Variants in GDPD4 observed in about 807,000 individuals in gnomAD.
GDPD4 encodes the protein glycerophosphodiester phosphodiesterase 6.
Under a neutral mutation model 67.8 loss-of-function variants are expected in GDPD4, and 60 were observed. That is an observed-to-expected ratio of 0.88 (90% CI 0.72 to 1.10). GDPD4 has a LOEUF of 1.10. GDPD4 is among the 50% of genes least tolerant of loss of function. The pLI is 0.00. For missense variants in GDPD4, 623 were observed against 613.9 expected (o/e 1.01, Z -0.16); for synonymous variants, 212 against 210.9 (o/e 1.00, Z -0.04).
intron 1 of GDPD4, among the ~76,000 whole-genome samples, chr11:77,298,251 C>T (rs1356991669): frequency 1.3e-5 from 2 of 152,234 alleles, no homozygotes; most frequent in Non-Finnish European, 2.9e-5. Context: ...CTGACTCACG[C>T]TTGTAATCCC....
chr11:77,265,193 A>G (rs1959172685), intron 10 of GDPD4, among the ~76,000 whole-genome samples: 1 of 152,072 alleles, frequency 6.6e-6, no homozygotes, highest in Non-Finnish European at 1.5e-5. Context: ...AGGTAATTAA[A>G]ATTATTTTTC....
Position 77,216,784 on chromosome 11 carries a change from T to C in GDPD4, c.*493A>G. 5 of 605,874 alleles carry C rather than the reference T, an allele frequency of 8.3e-6. No individual in the cohort carries two copies. Among genetic ancestry groups the C allele is most frequent in the Non-Finnish European group, 1.5e-5 (5 of 341,836 alleles). The allele number at this position is 605,874 out of a possible 1,614,324, so 37.5% of individuals were successfully genotyped here. A position where few individuals can be genotyped will look rare whatever the true frequency, so the allele number is the denominator to read the frequency against. Reference sequence around the variant, plus strand: ...TGCCTTTATCAACCACTCCCCACCATCACCACCCTTAGGCAGAGAGAGGAA... The same window carrying C: ...TGCCTTTATCAACCACTCCCCACCACCACCACCCTTAGGCAGAGAGAGGAA... On this transcript the variant is annotated 3_prime_UTR_variant, in exon 17 of 17. Coordinates refer to ENST00000315938, the MANE Select transcript of GDPD4 (RefSeq NM_182833.3).
At chr11:77,294,512 A>G (rs1387054205) in intron 1 of GDPD4, among the ~76,000 whole-genome samples, 1 of 152,112 alleles carries the variant, frequency 6.6e-6, no homozygotes, top group Non-Finnish European at 1.5e-5. Flanking sequence ...TGAGTCTTCT[A>G]ATCTAAGTAC....
At chr11:77,253,409 A>G (rs1958944311) in intron 11 of GDPD4, among the ~76,000 whole-genome samples, 1 of 152,180 alleles carries the variant, frequency 6.6e-6, no homozygotes, top group Non-Finnish European at 1.5e-5. Context: ...CAAGTACCCC[A>G]GTATGGCTGT....
At chr11:77,291,080 G>T (rs971377398) in intron 1 of GDPD4, among the ~76,000 whole-genome samples, 1 of 152,190 alleles carries the variant, frequency 6.6e-6, no homozygotes, top group Non-Finnish European at 1.5e-5. Flanking sequence ...TATGTTTATT[G>T]CAGGACTACG....
chr11:77,258,289 T>C (rs1959042272), intron 11 of GDPD4, 97 bp downstream of exon 11: 1 of 1,171,180 alleles, frequency 8.5e-7, no homozygotes, highest in Non-Finnish European at 1.3e-6. Flanking sequence ...GTGTGGATAC[T>C]TGCCTATCTT....
chr11:77,217,394 T>C, intron 16 of GDPD4, 80 bp from the exon 17 acceptor site: 1 of 1,146,158 alleles, frequency 8.7e-7, no homozygotes, highest in African/African-American at 1.5e-5. Context: ...TCAAGTTATC[T>C]CTTAAATGTT....
chr11:77,233,752 A>G (rs1365343745), intron 13 of GDPD4, among the ~76,000 whole-genome samples: 2 of 152,188 alleles, frequency 1.3e-5, no homozygotes, highest in Non-Finnish European at 2.9e-5. Flanking sequence ...ACTATGTCTT[A>G]TTTGTCTCTG....
intron 16 of GDPD4, among the ~76,000 whole-genome samples, chr11:77,223,984 G>T (rs117998837): frequency 1.3e-5 from 2 of 152,224 alleles, no homozygotes; most frequent in African/African-American, 4.8e-5. Flanking sequence ...CTCTGTGGGC[G>T]TGGGACCTGC....
chr11:77,243,586 C>T, intron 13 of GDPD4, 108 bp downstream of exon 13: 4 of 964,798 alleles, frequency 4.1e-6, no homozygotes, highest in Non-Finnish European at 6.5e-6. Context: ...GAGATAACCA[C>T]ACACAGAAAT....
chr11:77,221,889 G>T (rs1364704055), intron 16 of GDPD4, among the ~76,000 whole-genome samples: 1 of 151,678 alleles, frequency 6.6e-6, no homozygotes. Context: ...AGGTCACTAA[G>T]GACTTGCTTT....
At chr11:77,301,266 C>G (rs192610582) in intron 1 of GDPD4, among the ~76,000 whole-genome samples, 42 of 152,292 alleles carry the variant, frequency 2.8e-4, no homozygotes, top group Admixed American at 2.4e-3. Flanking sequence ...ATCGATTCCT[C>G]CTGCAATCTG....
At chr11:77,293,034 G>T (rs12292357) in intron 1 of GDPD4, among the ~76,000 whole-genome samples, 10 of 151,846 alleles carry the variant, frequency 6.6e-5, no homozygotes, top group African/African-American at 1.9e-4. Flanking sequence ...AACAACAACG[G>T]GTTCACTGGT....
chr11:77,231,888 G>A (rs1177123184), intron 14 of GDPD4, among the ~76,000 whole-genome samples: 1 of 152,188 alleles, frequency 6.6e-6, no homozygotes, highest in East Asian at 1.9e-4. Flanking sequence ...TCCCTTCAGG[G>A]TCATCTCCAG....
intron 10 of GDPD4, among the ~76,000 whole-genome samples, chr11:77,265,268 C>A (rs1297492347): frequency 6.6e-6 from 1 of 151,984 alleles, no homozygotes; most frequent in East Asian, 1.9e-4. Context: ...AAGGGTAGAC[C>A]AATAAAACCT....
chr11:77,257,552 T>TACACACACACACACACAC (rs71043563), intron 11 of GDPD4, among the ~76,000 whole-genome samples: 15 of 134,264 alleles, frequency 1.1e-4, no homozygotes, highest in African/African-American at 3.6e-4. Context: ...CTCCCTCTCC[T>TACACACACACACACACAC]ACACACACAC....
intron 1 of GDPD4, among the ~76,000 whole-genome samples, chr11:77,297,289 G>C (rs1323096941): frequency 2.0e-5 from 3 of 151,958 alleles, no homozygotes; most frequent in Non-Finnish European, 2.9e-5. Flanking sequence ...GCTCATGCCT[G>C]TAATCCCAGC....
intron 1 of GDPD4, among the ~76,000 whole-genome samples, chr11:77,296,908 G>A (rs1435316629): frequency 1.3e-5 from 2 of 151,290 alleles, no homozygotes; most frequent in African/African-American, 4.9e-5. Context: ...ACAAAAATTA[G>A]CCAGGCATGG....
chr11:77,276,268 T>C, intron 4 of GDPD4, 48 bp from the exon 5 acceptor site: 2 of 1,473,008 alleles, frequency 1.4e-6, no homozygotes, highest in Non-Finnish European at 1.9e-6. Flanking sequence ...ATCACCAAGT[T>C]GCCACCCAAA....
Sources: gnomAD v4.1 joint callset for allele counts (sites outside exome capture counted in the v4.1 genomes callset) on GRCh38, gnomAD v4.1.1 for gene constraint, MANE v1.5 for transcripts, NCBI Gene and HGNC (gene_info 2026-07-23, HGNC 2026-07-21) for gene names.